Variants in MYBPC1 observed in about 807,000 individuals in gnomAD.
MYBPC1 encodes myosin-binding protein C, slow-type.
MYBPC1 carries 52 observed loss-of-function variants against 147.1 expected under a neutral mutation model. That is an observed-to-expected ratio of 0.35 (90% CI 0.28 to 0.45). The LOEUF is 0.45. Ranked by LOEUF, MYBPC1 falls within the 20% of genes least tolerant of loss-of-function variation. The pLI is 1.00. For missense variants in MYBPC1, 1,228 were observed against 1,440.3 expected (o/e 0.85, Z 2.39); for synonymous variants, 477 against 475.9 (o/e 1.00, Z -0.03).
chr12:101,595,672 AAC>A, intron 1 of MYBPC1, among the ~76,000 whole-genome samples: 1 of 152,234 alleles, frequency 6.6e-6, no homozygotes, highest in East Asian at 1.9e-4. Context: ...AAGAAAACCA[AAC>A]ACCTGATAAA....
chr12:101,640,745 A>G (rs1175405009), intron 10 of MYBPC1, among the ~76,000 whole-genome samples: 1 of 152,206 alleles, frequency 6.6e-6, no homozygotes, highest in African/African-American at 2.4e-5. Flanking sequence ...CCTAAACTCT[A>G]TATTAATATC....
At chr12:101,610,672 G>C (rs1883940888) in intron 1 of MYBPC1, among the ~76,000 whole-genome samples, 2 of 152,246 alleles carry the variant, frequency 1.3e-5, no homozygotes, top group South Asian at 4.2e-4. Flanking sequence ...TCTCATACTT[G>C]AGGAAATCGA....
At chr12:101,649,157 T>C (rs1285884755) in intron 14 of MYBPC1, 103 bp from the exon 15 acceptor site, 1 of 1,023,328 alleles carries the variant, frequency 9.8e-7, no homozygotes, top group Non-Finnish European at 1.5e-6. Flanking sequence ...GTGTGTCTCA[T>C]ATCCTCCAGA....
chr12:101,647,497 T>G (rs1893443380), intron 13 of MYBPC1, among the ~76,000 whole-genome samples: 1 of 152,238 alleles, frequency 6.6e-6, no homozygotes, highest in African/African-American at 2.4e-5. Context: ...CAATAATTGA[T>G]TTGACTTGGA....
rs570202510 is a variant in MYBPC1, at chr12:101,602,974, A to T, written c.25+7879A>T. Among the ~76,000 whole-genome samples, 19 of 152,300 alleles carry T rather than the reference A, an allele frequency of 1.2e-4. No homozygotes were observed. The South Asian group carries it at 3.9e-3, about 32-fold the overall frequency. The stretch of plus-strand genomic sequence containing the variant: ...ACATGGCCTTTCCCACTTAGATGAA[A>T]GAGTTACCCTACAGAGTTGAACAAT... On this transcript the variant is annotated intron_variant, in intron 1 of 31. Transcript: ENST00000361466.
chr12:101,670,211 A>G, intron 23 of MYBPC1, 110 bp from the exon 24 acceptor site: 1 of 858,016 alleles, frequency 1.2e-6, no homozygotes, highest in Non-Finnish European at 2.0e-6. Context: ...AGTTTATTGC[A>G]GAGATATGCC....
At chr12:101,599,629 A>G (rs562850587) in intron 1 of MYBPC1, among the ~76,000 whole-genome samples, 3 of 152,220 alleles carry the variant, frequency 2.0e-5, no homozygotes, top group Non-Finnish European at 4.4e-5. Context: ...ATATACAAAT[A>G]TTATCCTTAC....
At chr12:101,692,473 G>A in the MYBPC1 span, among the ~76,000 whole-genome samples, 1 of 152,144 alleles carries the variant, frequency 6.6e-6, no homozygotes, top group Non-Finnish European at 1.5e-5. Context: ...CTTGAATCCT[G>A]GCTTTACCAC....
At chr12:101,633,550 G>A (rs562505878) in intron 8 of MYBPC1, among the ~76,000 whole-genome samples, 88 of 151,972 alleles carry the variant, frequency 5.8e-4, no homozygotes, top group African/African-American at 2.0e-3. Context: ...AGCCAGGCGT[G>A]GTGGTGGGCA....
intron 1 of MYBPC1, among the ~76,000 whole-genome samples, chr12:101,601,212 T>C (rs1593580872): frequency 6.6e-6 from 1 of 152,356 alleles, no homozygotes; most frequent in Admixed American, 6.5e-5. Context: ...ATCTCATAAC[T>C]GGATAAGAAG....
Position 101,675,367 on chromosome 12 carries a change from C to T in MYBPC1, c.2885C>T (p.Pro962Leu). The T allele has an allele frequency of 1.2e-6, 2 of 1,614,002 alleles. No individual in the cohort carries two copies. The highest frequency in any genetic ancestry group is 1.7e-6 in the Non-Finnish European group (2 of 1,179,968). Residue 962 changes from proline (P) to leucine (L), a missense_variant, in exon 26 of 32, where the codon CCA (proline) becomes CTA (leucine). This residue lies in a region of MYBPC1 where 1,077 missense variants were observed against 1,314.2 expected (regional missense o/e 0.82). Transcript: ENST00000361466. ...AATGTCGCTCTCACATGGACTCCAC[C>T]AAAGGATGATGGAAATGCTGCTATC... ...GENVALTWTPPKDDGNAAITG... is the reference protein window; with the variant it reads ...GENVALTWTPLKDDGNAAITG...
At chr12:101,618,926 G>GTATA (rs143229545) in intron 3 of MYBPC1, among the ~76,000 whole-genome samples, 3 of 148,994 alleles carry the variant, frequency 2.0e-5, no homozygotes, top group Non-Finnish European at 4.5e-5. Context: ...GCAAATACAT[G>GTATA]TATATATATA....
At chr12:101,646,268 A>AG in intron 12 of MYBPC1, among the ~76,000 whole-genome samples, 1 of 152,242 alleles carries the variant, frequency 6.6e-6, no homozygotes, top group South Asian at 2.1e-4. Flanking sequence ...ATGCTTATAC[A>AG]TTAAGTATTA....
At chr12:101,660,784 A>G (rs1399206880) in intron 19 of MYBPC1, among the ~76,000 whole-genome samples, 1 of 152,152 alleles carries the variant, frequency 6.6e-6, no homozygotes, top group Non-Finnish European at 1.5e-5. Context: ...GGTGAAAGCC[A>G]TGTCTTCCAT....
rs373768097 is a variant in MYBPC1 at position 101,606,050 on chromosome 12, T to A, written c.26-8446T>A. Among the ~76,000 whole-genome samples the A allele has an allele frequency of 2.6e-4, 39 of 151,166 alleles. No individual in the cohort carries two copies. The South Asian group carries it at 6.3e-3, about 24-fold the overall frequency. The stretch of plus-strand genomic sequence containing the variant: ...TCTCTACTAAAAATACAAAAATTAG[T>A]CAGGCATGGTACATGCCTGTAGACC... On this transcript the variant is annotated intron_variant, in intron 1 of 31. Coordinates refer to ENST00000361466, the MANE Select transcript of MYBPC1 (RefSeq NM_002465.4).
chr12:101,685,829 T>G lies in MYBPC1; in HGVS notation c.*267T>G. The G allele has an allele frequency of 1.8e-6, 1 of 552,298 alleles. No homozygotes were observed. The highest frequency in any genetic ancestry group is 3.0e-6 in the Non-Finnish European group (1 of 329,608). The allele number at this position is 552,298 out of a possible 1,614,324, so 34.2% of individuals were successfully genotyped here. On this transcript the variant is annotated 3_prime_UTR_variant, in exon 32 of 32. Coordinates refer to ENST00000361466, the MANE Select transcript of MYBPC1 (RefSeq NM_002465.4). The stretch of plus-strand genomic sequence containing the variant: ...TTGAAGAGAAAAAAAAAAAAAAAAG[T>G]TTGCCCAGATTGCTTAATTAAAAAT...
intron 10 of MYBPC1, among the ~76,000 whole-genome samples, chr12:101,642,110 A>G (rs1445293759): frequency 6.6e-6 from 1 of 152,232 alleles, no homozygotes; most frequent in African/African-American, 2.4e-5. Flanking sequence ...ATTAGACTTT[A>G]AATTTGAAAA....
At chr12:101,633,926 C>T (rs1468227881) in intron 8 of MYBPC1, among the ~76,000 whole-genome samples, 1 of 149,532 alleles carries the variant, frequency 6.7e-6, no homozygotes, top group Admixed American at 6.6e-5. Flanking sequence ...GAGTCTCGCT[C>T]CTCTCTGTCA....
chr12:101,660,596 A>G (rs530596688), intron 19 of MYBPC1: 41 of 161,540 alleles, frequency 2.5e-4, no homozygotes, highest in Middle Eastern at 3.3e-3. Flanking sequence ...GGGTGGGCTC[A>G]TCTTCCCTTA....
Sources: allele counts gnomAD v4.1 joint callset (sites outside exome capture counted in the v4.1 genomes callset), GRCh38; gene constraint gnomAD v4.1.1; regional missense constraint gnomAD v4.1.1; transcripts MANE v1.5; gene names NCBI Gene and HGNC (gene_info 2026-07-23, HGNC 2026-07-21).